Variants in NLGN1 observed in about 807,000 individuals in gnomAD.
NLGN1 encodes neuroligin-1.
A neutral mutation model predicts 65.5 loss-of-function variants in NLGN1; 12 were observed. The observed-to-expected ratio is 0.18, with a 90% CI of 0.12 to 0.30. The LOEUF is 0.30. Among genes scored for constraint, NLGN1 ranks in the 10% least tolerant of loss-of-function variants. The pLI is 1.00. For synonymous variants in NLGN1, 350 were observed against 359.5 expected, an observed-to-expected ratio of 0.97 and a Z score of 0.30; for missense variants, 750 against 1,007.1, an observed-to-expected ratio of 0.74 and a Z score of 3.46.
At chr3:173,943,592 G>C (rs537156525) in intron 4 of NLGN1, among the ~76,000 whole-genome samples, 2 of 152,302 alleles carry the variant, frequency 1.3e-5, no homozygotes, top group South Asian at 4.1e-4. Context: ...TTGTTAGAGT[G>C]CTCTAAGACT....
At position 173,727,067 on chromosome 3, in the gene NLGN1, C is replaced by T. The variant is rs1771930279; in HGVS notation, c.494-80613C>T. ...AAAAGAAAAACTTTTAAACATAAGG[C>T]AGCGTCTATCAATTGAGAAGAGAGT... On this transcript the variant is annotated intron_variant, in intron 3 of 6. Coordinates refer to ENST00000457714, the Ensembl canonical transcript of NLGN1. 2.6e-5 allele frequency among the ~76,000 whole-genome samples: 4 copies of T among 152,010 alleles called. No individual in the cohort carries two copies. The South Asian group carries it at 8.3e-4, about 32-fold the overall frequency.
At chr3:173,522,783 G>A (rs527355452) in intron 2 of NLGN1, among the ~76,000 whole-genome samples, 1 of 152,100 alleles carries the variant, frequency 6.6e-6, no homozygotes, top group East Asian at 1.9e-4. Context: ...GGGTAGATAC[G>A]CAGTAGTGGG....
At chr3:174,167,457 A>G (rs1727706413) in intron 4 of NLGN1, among the ~76,000 whole-genome samples, 1 of 151,950 alleles carries the variant, frequency 6.6e-6, no homozygotes, top group Admixed American at 6.6e-5. Flanking sequence ...GTTTGGTGGG[A>G]TATGAAATTC....
chr3:173,511,654 G>A (rs1452827074), intron 2 of NLGN1, among the ~76,000 whole-genome samples: 5 of 151,956 alleles, frequency 3.3e-5, no homozygotes, highest in African/African-American at 1.2e-4. Context: ...CTGCTTTGTT[G>A]TGGGTTTTTT....
chr3:174,205,728 T>G (rs1172908137), intron 4 of NLGN1, among the ~76,000 whole-genome samples: 1 of 152,232 alleles, frequency 6.6e-6, no homozygotes, highest in Non-Finnish European at 1.5e-5. Flanking sequence ...ATGACTAATT[T>G]GTATATATTA....
chr3:173,424,490 G>C (rs182303750), intron 1 of NLGN1, among the ~76,000 whole-genome samples: 14 of 152,180 alleles, frequency 9.2e-5, no homozygotes, highest in Non-Finnish European at 4.4e-5. Context: ...CCATCTCTTT[G>C]TGATCATATA....
At chr3:174,271,963 T>G (rs1458406340) in intron 4 of NLGN1, among the ~76,000 whole-genome samples, 1 of 151,634 alleles carries the variant, frequency 6.6e-6, no homozygotes, top group Non-Finnish European at 1.5e-5. Context: ...GGGGGAAAAT[T>G]TTGTGCATTT....
chr3:173,914,589 C>T (rs1447563709), intron 4 of NLGN1, among the ~76,000 whole-genome samples: 3 of 151,960 alleles, frequency 2.0e-5, no homozygotes, highest in African/African-American at 7.2e-5. Context: ...CTTACATCGT[C>T]AAGCTCTGGG....
At chr3:173,482,306 G>C (rs474260) in intron 2 of NLGN1, among the ~76,000 whole-genome samples, 115,738 of 151,662 alleles carry the variant, frequency 0.76, 45,955 homozygotes, top group East Asian at 0.97. Flanking sequence ...AGAGGAGGAC[G>C]TCAACATTTC....
At chr3:173,614,055 T>C (rs1224191629) in intron 3 of NLGN1, among the ~76,000 whole-genome samples, 1 of 150,264 alleles carries the variant, frequency 6.7e-6, no homozygotes. Context: ...GACCATATCA[T>C]CTCCTAGTCT....
At chr3:173,894,694 A>G (rs1324484719) in intron 4 of NLGN1, among the ~76,000 whole-genome samples, 1 of 149,072 alleles carries the variant, frequency 6.7e-6, no homozygotes, top group African/African-American at 2.5e-5. Context: ...TGCAATGGCA[A>G]TGGCACATTA....
At chr3:173,580,518 A>G (rs73044411) in intron 2 of NLGN1, among the ~76,000 whole-genome samples, 14,600 of 151,964 alleles carry the variant, frequency 0.096, 1,229 homozygotes, top group African/African-American at 0.23. Context: ...TATAGCAACT[A>G]GTTTTATTGT....
intron 4 of NLGN1, among the ~76,000 whole-genome samples, chr3:174,034,069 G>C (rs1426975718): frequency 1.3e-5 from 2 of 152,038 alleles, no homozygotes; most frequent in African/African-American, 4.8e-5. Flanking sequence ...AGAAGCCAGA[G>C]AGAAACACTT....
At chr3:173,973,143 A>C (rs1229655094) in intron 4 of NLGN1, among the ~76,000 whole-genome samples, 1 of 152,170 alleles carries the variant, frequency 6.6e-6, no homozygotes, top group Non-Finnish European at 1.5e-5. Context: ...GACCCAATGC[A>C]CTGGAAGTCT....
At chr3:173,475,702 C>T (rs987068686) in intron 2 of NLGN1, among the ~76,000 whole-genome samples, 4 of 152,150 alleles carry the variant, frequency 2.6e-5, no homozygotes, top group African/African-American at 9.7e-5. Context: ...TCACTTATTG[C>T]ATAGCAATTA....
chr3:174,007,974 G>T (rs1724789296), intron 4 of NLGN1, among the ~76,000 whole-genome samples: 2 of 151,900 alleles, frequency 1.3e-5, no homozygotes, highest in African/African-American at 2.4e-5. Flanking sequence ...GTGTGTGTGT[G>T]TGTGTGTGTT....
At chr3:173,476,441 C>G (rs766578573) in intron 2 of NLGN1, among the ~76,000 whole-genome samples, 7 of 152,100 alleles carry the variant, frequency 4.6e-5, no homozygotes, top group Non-Finnish European at 8.8e-5. Flanking sequence ...TAAAACTGCT[C>G]CAAAAAATTG....
intron 2 of NLGN1, among the ~76,000 whole-genome samples, chr3:173,568,642 A>G (rs150652119): frequency 6.6e-6 from 1 of 152,042 alleles, no homozygotes; most frequent in African/African-American, 2.4e-5. Context: ...AGGAAAATCA[A>G]GTTAGCTTCA....
At chr3:174,206,039 C>G (rs904184743) in intron 4 of NLGN1, among the ~76,000 whole-genome samples, 1 of 152,014 alleles carries the variant, frequency 6.6e-6, no homozygotes, top group South Asian at 2.1e-4. Context: ...CTGTAGAACC[C>G]AAAATCAAAT....
Sources: allele counts gnomAD v4.1 joint callset (sites outside exome capture counted in the v4.1 genomes callset), GRCh38; gene constraint gnomAD v4.1.1; transcripts MANE v1.5; gene names NCBI Gene and HGNC (gene_info 2026-07-23, HGNC 2026-07-21).